SLA: variants seen among roughly 807,000 people sequenced by gnomAD.
SLA encodes src-like-adapter.
A neutral mutation model predicts 30.3 loss-of-function variants in SLA; 16 were observed. The ratio of observed to expected loss-of-function variants is 0.53; its 90% CI spans 0.36 to 0.80. SLA has a LOEUF of 0.80. Ranked by LOEUF, SLA falls within the 30% of genes least tolerant of loss-of-function variation. The pLI is 0.01. For synonymous variants in SLA, 143 were observed against 137.8 expected (o/e 1.04, Z -0.26); for missense variants, 310 against 345.2 (o/e 0.90, Z 0.81).
chr8:133,080,500 C>T (rs1347894951), intron 1 of SLA, among the ~76,000 whole-genome samples: 1 of 152,138 alleles, frequency 6.6e-6, no homozygotes, highest in African/African-American at 2.4e-5. Flanking sequence ...CGCCAATGCT[C>T]CCTTCCCATC....
intron 7 of SLA, among the ~76,000 whole-genome samples, chr8:133,041,244 G>T (rs1239331980): frequency 3.3e-5 from 5 of 152,220 alleles, no homozygotes; most frequent in African/African-American, 9.6e-5. Flanking sequence ...TCGACAGCAC[G>T]TCACACCTCT....
intron 2 of SLA, among the ~76,000 whole-genome samples, chr8:133,065,263 G>C (rs1353790381): frequency 2.0e-5 from 3 of 152,176 alleles, no homozygotes; most frequent in African/African-American, 7.2e-5. Flanking sequence ...GGGTTGCTCA[G>C]AACAACCCCA....
chr8:133,099,594 A>G (rs1848945021), intron 1 of SLA, among the ~76,000 whole-genome samples: 1 of 152,086 alleles, frequency 6.6e-6, no homozygotes, highest in African/African-American at 2.4e-5. Flanking sequence ...CATCCATAAC[A>G]CACCCAAAGT....
intron 1 of SLA, chr8:133,087,734 G>A (rs1436077958): frequency 1.3e-5 from 2 of 152,160 alleles, no homozygotes; most frequent in South Asian, 2.1e-4. Context: ...TTGTTAGAAG[G>A]CTCTGTGGAT....
chr8:133,055,530 C>T (rs1340753444), intron 3 of SLA, among the ~76,000 whole-genome samples: 1 of 152,092 alleles, frequency 6.6e-6, no homozygotes, highest in Admixed American at 6.6e-5. Context: ...ATGTAAAGGG[C>T]TGTGTTTGAG....
chr8:133,039,177 C>T (rs1464070316), intron 8 of SLA, among the ~76,000 whole-genome samples: 1 of 152,184 alleles, frequency 6.6e-6, no homozygotes, highest in Non-Finnish European at 1.5e-5. Context: ...CCGCGCCTGG[C>T]CCTAACTTAC....
In SLA at chr8:133,049,953, G is replaced by C. The variant is rs1360650853; in HGVS notation, c.197C>G (p.Thr66Ser). The C allele has an allele frequency of 2.5e-6, 4 of 1,613,602 alleles. No individual in the cohort carries two copies. Among genetic ancestry groups the C allele is most frequent in the Non-Finnish European group, 3.4e-6 (4 of 1,179,516 alleles). ...TCCAGGGATGTAACTCTCTCGACCA[G>C]TGCTAAGAGAAATAGCTTTCCACCA... is the stretch of plus-strand genomic sequence containing the variant. ...GGWWKAISLS[T>S]GRESYIPGIC... Residue 66 changes from threonine to serine, a missense_variant, in exon 5 of 9, where the codon ACT (threonine) becomes AGT (serine). Thr to Ser is a moderately conservative substitution (Grantham distance 58, BLOSUM62 1). Transcript: ENST00000338087.
At chr8:133,102,047 A>G (rs895655764) in intron 1 of SLA, among the ~76,000 whole-genome samples, 21 of 152,228 alleles carry the variant, frequency 1.4e-4, no homozygotes, top group Non-Finnish European at 1.6e-4. Flanking sequence ...AAATTCAAAT[A>G]CACAACAATA....
intron 2 of SLA, among the ~76,000 whole-genome samples, chr8:133,066,086 G>C (rs906811000): frequency 5.3e-5 from 8 of 152,124 alleles, no homozygotes; most frequent in Admixed American, 2.0e-4. Flanking sequence ...TTACTTAGGA[G>C]GCTGAGGCGG....
chr8:133,088,599 C>G (rs1846989853), intron 1 of SLA, among the ~76,000 whole-genome samples: 1 of 152,160 alleles, frequency 6.6e-6, no homozygotes, highest in Admixed American at 6.5e-5. Context: ...TAGAAGGTGC[C>G]TTATAAATGT....
chr8:133,041,366 A>G (rs1268420652), intron 7 of SLA, among the ~76,000 whole-genome samples: 1 of 152,254 alleles, frequency 6.6e-6, no homozygotes, highest in Non-Finnish European at 1.5e-5. Context: ...CAGGGCGGGC[A>G]AGCCAGGAAG....
chr8:133,082,802 T>G (rs1245499982), intron 1 of SLA, among the ~76,000 whole-genome samples: 1 of 151,302 alleles, frequency 6.6e-6, no homozygotes, highest in African/African-American at 2.4e-5. Flanking sequence ...CTATGATGCC[T>G]TAATACTTTC....
At chr8:133,077,581 T>G (rs7823628) in intron 1 of SLA, among the ~76,000 whole-genome samples, 40,650 of 152,126 alleles carry the variant, frequency 0.27, 6,004 homozygotes, top group African/African-American at 0.37. Context: ...GAATGGAGGT[T>G]TTGGCCCTGG....
intron 3 of SLA, among the ~76,000 whole-genome samples, chr8:133,057,623 C>T (rs1841684523): frequency 1.3e-5 from 2 of 152,164 alleles, no homozygotes; most frequent in African/African-American, 4.8e-5. Context: ...TTCCACGGAA[C>T]ATTACTGGAA....
chr8:133,044,287 A>G (rs1838879231), intron 7 of SLA, among the ~76,000 whole-genome samples: 1 of 152,078 alleles, frequency 6.6e-6, no homozygotes. Context: ...TCTCTCTGGC[A>G]GTATCCTACA....
rs373776637 is a variant in SLA, at chr8:133,096,393, C to T, written c.-319+6160G>A. On this transcript the variant is annotated intron_variant, in intron 1 of 8. Transcript: ENST00000338087. ...GTGAAGGTAAGCAGGGAGGGGGCCT[C>T]GGATGTCTCCAGCTGGGCATTTCCT... The T allele has an allele frequency of 1.2e-4, 187 of 1,613,856 alleles. No individual in the cohort carries two copies. The African/African-American group carries it at 1.6e-3, about 14-fold the overall frequency.
intron 8 of SLA, among the ~76,000 whole-genome samples, chr8:133,039,420 T>A (rs762997529): frequency 5.9e-5 from 9 of 152,234 alleles, no homozygotes; most frequent in Non-Finnish European, 1.0e-4. Context: ...CTCGCATAAT[T>A]TTGATCCTGA....
intron 5 of SLA, 66 bp downstream of exon 5, chr8:133,049,836 T>C (rs1160319478): frequency 9.5e-7 from 1 of 1,055,550 alleles, no homozygotes; most frequent in Non-Finnish European, 1.5e-6. Flanking sequence ...GGAATCTTTG[T>C]TCCACCTTAT....
intron 3 of SLA, among the ~76,000 whole-genome samples, chr8:133,051,380 A>C: frequency 6.6e-6 from 1 of 152,056 alleles, no homozygotes; most frequent in East Asian, 1.9e-4. Flanking sequence ...TCGGGTGTCC[A>C]CTCTGGGACT....
Sources: gnomAD v4.1 joint callset for allele counts (sites outside exome capture counted in the v4.1 genomes callset) on GRCh38, gnomAD v4.1.1 for gene constraint, MANE v1.5 for transcripts, NCBI Gene and HGNC (gene_info 2026-07-23, HGNC 2026-07-21) for gene names.